The following MINDY3 variants were observed in gnomAD, a reference collection of about 807,000 sequenced individuals.
The protein encoded by MINDY3 is ubiquitin carboxyl-terminal hydrolase MINDY-3.
In MINDY3, 38 loss-of-function variants were observed where a neutral mutation model predicts 69.2. That is an observed-to-expected ratio of 0.55 (90% CI 0.42 to 0.72). MINDY3 has a LOEUF of 0.72. Among genes scored for constraint, MINDY3 ranks in the 30% least tolerant of loss-of-function variants. The probability of loss-of-function intolerance (pLI) is 0.00; values close to 1 mark genes in which losing one functional copy is unlikely to be tolerated. For synonymous variants in MINDY3, 192 were observed against 180.1 expected (o/e 1.07, Z -0.53); for missense variants, 522 against 519.0 (o/e 1.01, Z -0.06).
intron 10 of MINDY3, among the ~76,000 whole-genome samples, chr10:15,802,896 C>G (rs1281541840): frequency 1.3e-5 from 2 of 151,724 alleles, no homozygotes; most frequent in African/African-American, 2.4e-5. Context: ...GGCAATAACT[C>G]TTAATCACAC....
At chr10:15,822,774 G>C (rs748208196) in intron 8 of MINDY3, among the ~76,000 whole-genome samples, 2 of 152,112 alleles carry the variant, frequency 1.3e-5, no homozygotes, top group Non-Finnish European at 2.9e-5. Flanking sequence ...CATCAGCATA[G>C]AGATGAGAGT....
At chr10:15,830,973 C>T (rs967962583) in intron 8 of MINDY3, among the ~76,000 whole-genome samples, 6 of 151,934 alleles carry the variant, frequency 3.9e-5, no homozygotes, top group African/African-American at 9.7e-5. Flanking sequence ...TAGCAGAGAC[C>T]GTAAATGGAA....
chr10:15,803,858 ATAAT>A (rs1391541995), intron 10 of MINDY3, among the ~76,000 whole-genome samples: 1 of 152,106 alleles, frequency 6.6e-6, no homozygotes, highest in African/African-American at 2.4e-5. Context: ...CCCACGAATG[ATAAT>A]TAAGTAAAGG....
chr10:15,819,049 T>C (rs546496210), intron 9 of MINDY3, among the ~76,000 whole-genome samples: 1 of 152,324 alleles, frequency 6.6e-6, no homozygotes, highest in Admixed American at 6.5e-5. Context: ...CCTTATTCTT[T>C]GTTGGGTTTG....
At chr10:15,841,764 G>C (rs1217652687) in intron 3 of MINDY3, among the ~76,000 whole-genome samples, 165 bp from the exon 4 acceptor site, 2 of 151,686 alleles carry the variant, frequency 1.3e-5, no homozygotes, top group Non-Finnish European at 3.0e-5. Context: ...AAAACAATGT[G>C]TTTGTGGATT....
chr10:15,785,933 T>C (rs1836924950), intron 13 of MINDY3, among the ~76,000 whole-genome samples: 1 of 152,194 alleles, frequency 6.6e-6, no homozygotes, highest in Non-Finnish European at 1.5e-5. Flanking sequence ...ATATCTGTTA[T>C]CTAGTTAAGT....
chr10:15,778,773 C>T lies in MINDY3; in HGVS notation c.*219G>A, dbSNP rs1836290985. The T allele has an allele frequency of 2.5e-6, 1 of 396,328 alleles. No individual in the cohort carries two copies. Among genetic ancestry groups the T allele is most frequent in the Non-Finnish European group, 4.5e-6 (1 of 223,902 alleles). The allele number at this position is 396,328 out of a possible 1,614,324, so 24.6% of individuals were successfully genotyped here. A position where few individuals can be genotyped will look rare whatever the true frequency, so the allele number is the denominator to read the frequency against. The stretch of plus-strand genomic sequence containing the variant: ...GAACTTTGATGAAAGCTTAATTTTG[C>T]TAGTAAATTTCACACGAAGGGGTAA... On this transcript the variant is annotated 3_prime_UTR_variant, in exon 15 of 15. Coordinates refer to ENST00000277632, the MANE Select transcript of MINDY3 (RefSeq NM_024948.4).
Position 15,778,618 on chromosome 10 carries a change from A to C in MINDY3, c.*374T>G, listed in dbSNP as rs1733562604. 1 of 158,082 alleles carries C rather than the reference A, an allele frequency of 6.3e-6. No homozygotes were observed. Among genetic ancestry groups the C allele is most frequent in the Non-Finnish European group, 1.4e-5 (1 of 72,040 alleles). 9.8% of individuals were successfully genotyped at this position (158,082 alleles called of 1,614,324 possible). ...GCCGGAATCATTCAAACAATAAAAA[A>C]AGTGCCTCAATGAAATAAAACCCAA... On this transcript the variant is annotated 3_prime_UTR_variant, in exon 15 of 15. Transcript: ENST00000277632.
intron 14 of MINDY3, among the ~76,000 whole-genome samples, chr10:15,780,752 A>G (rs929078159): frequency 2.0e-5 from 3 of 152,206 alleles, no homozygotes; most frequent in Non-Finnish European, 4.4e-5. Context: ...TGTCATTTTA[A>G]CAGTTCATCC....
intron 12 of MINDY3, among the ~76,000 whole-genome samples, 193 bp from the exon 13 acceptor site, chr10:15,786,841 G>C (rs933498203): frequency 2.6e-5 from 4 of 152,182 alleles, no homozygotes; most frequent in Admixed American, 6.5e-5. Context: ...TTAAACTAGA[G>C]TAATCTGTTA....
chr10:15,847,689 C>T (rs1430047741), intron 2 of MINDY3, among the ~76,000 whole-genome samples, 175 bp downstream of exon 2: 2 of 151,996 alleles, frequency 1.3e-5, no homozygotes, highest in East Asian at 1.9e-4. Flanking sequence ...CACAACTCAT[C>T]GATATGGTGA....
intron 14 of MINDY3, among the ~76,000 whole-genome samples, chr10:15,779,858 AG>A: frequency 6.6e-6 from 1 of 152,198 alleles, no homozygotes; most frequent in Admixed American, 6.5e-5. Context: ...GTGAATAGCA[AG>A]AAAAATTTTA....
At chr10:15,808,258 A>C (rs943614772) in intron 10 of MINDY3, among the ~76,000 whole-genome samples, 2 of 152,194 alleles carry the variant, frequency 1.3e-5, no homozygotes, top group Non-Finnish European at 2.9e-5. Context: ...TTTCTGTATT[A>C]GATGAGGCAC....
intron 2 of MINDY3, among the ~76,000 whole-genome samples, chr10:15,846,761 T>C (rs1198838560): frequency 1.3e-5 from 2 of 151,344 alleles, no homozygotes; most frequent in Non-Finnish European, 2.9e-5. Context: ...TCTCGCTCTG[T>C]CGCCCAGGCT....
intron 1 of MINDY3, among the ~76,000 whole-genome samples, chr10:15,853,228 A>C (rs1289702232): frequency 2.6e-5 from 4 of 151,450 alleles, no homozygotes. Flanking sequence ...GAAAAGAGGA[A>C]GTTTAAGGTC....
Position 15,821,543 on chromosome 10 carries a change from C to T in MINDY3, c.801+113G>A, listed in dbSNP as rs74366732. On this transcript the variant is annotated intron_variant, in intron 9 of 14. Transcript: ENST00000277632. ...TGGGGGATAGGAAGGAAGAAGAGAG[C>T]GGTACTGAACCATAGTGCTGTGCTC... The T allele has an allele frequency of 1.1e-3, 789 of 696,322 alleles. 8 individuals carry two copies. In the African/African-American group the frequency reaches 0.013, roughly 11 times the overall value. 43.1% of individuals were successfully genotyped at this position (696,322 alleles called of 1,614,324 possible). A position where few individuals can be genotyped will look rare whatever the true frequency, so the allele number is the denominator to read the frequency against.
At position 15,789,202 on chromosome 10, in the gene MINDY3, C is replaced by T. The variant is rs373045658; in HGVS notation, c.1028+45G>A. On this transcript the variant is annotated intron_variant, in intron 12 of 14. Transcript: ENST00000277632. Reference sequence around the variant, plus strand: ...ATGTACAATATGTCTTAAACTTAATCGAATCTTTTTGAGTTGGCTAAATAA... The same window carrying T: ...ATGTACAATATGTCTTAAACTTAATTGAATCTTTTTGAGTTGGCTAAATAA... The T allele has an allele frequency of 2.3e-5, 34 of 1,482,358 alleles. 1 individual carries two copies. Among genetic ancestry groups the T allele is most frequent in the South Asian group, 1.9e-4 (17 of 87,260 alleles). 91.8% of individuals were successfully genotyped at this position (1,482,358 alleles called of 1,614,324 possible).
chr10:15,782,009 G>T, intron 14 of MINDY3, 146 bp downstream of exon 14: 1 of 680,648 alleles, frequency 1.5e-6, no homozygotes, highest in Non-Finnish European at 2.5e-6. Flanking sequence ...ATCCAAAGAT[G>T]GCTGATTCTA....
At chr10:15,831,906 C>T (rs1840492666) in intron 8 of MINDY3, among the ~76,000 whole-genome samples, 2 of 152,060 alleles carry the variant, frequency 1.3e-5, no homozygotes, top group South Asian at 4.1e-4. Context: ...GAACTCCTCA[C>T]CTCAGGTGAT....
Sources: allele counts gnomAD v4.1 joint callset (sites outside exome capture counted in the v4.1 genomes callset), GRCh38; gene constraint gnomAD v4.1.1; transcripts MANE v1.5; gene names NCBI Gene and HGNC (gene_info 2026-07-23, HGNC 2026-07-21).